The following CAMK1D variants were observed in gnomAD, a reference collection of about 807,000 sequenced individuals.
CAMK1D encodes calcium/calmodulin dependent protein kinase ID, also known as calcium/calmodulin-dependent protein kinase type 1D.
In CAMK1D, 9 loss-of-function variants were observed where a neutral mutation model predicts 47.7. That is an observed-to-expected ratio of 0.19 (90% CI 0.11 to 0.33). The LOEUF is 0.33. Ranked by LOEUF, CAMK1D falls within the 10% of genes least tolerant of loss-of-function variation. The probability of loss-of-function intolerance (pLI) is 1.00; values close to 1 mark genes in which losing one functional copy is unlikely to be tolerated. For synonymous variants in CAMK1D, 184 were observed against 184.9 expected, an observed-to-expected ratio of 0.99 and a Z score of 0.04; for missense variants, 291 against 488.7, an observed-to-expected ratio of 0.60 and a Z score of 3.81.
At chr10:12,589,646 T>C (rs1303259139) in intron 2 of CAMK1D, among the ~76,000 whole-genome samples, 1 of 152,200 alleles carries the variant, frequency 6.6e-6, no homozygotes, top group Non-Finnish European at 1.5e-5. Context: ...CTTCAGAAAC[T>C]GCCTGTCTTA....
At chr10:12,719,966 C>A (rs989598467) in intron 3 of CAMK1D, among the ~76,000 whole-genome samples, 2 of 152,220 alleles carry the variant, frequency 1.3e-5, no homozygotes, top group African/African-American at 2.4e-5. Context: ...GCAAAGGTTG[C>A]TGGGCCCTGC....
chr10:12,801,297 G>GTATCTATCTATCTGTC (rs1838426827), intron 6 of CAMK1D, among the ~76,000 whole-genome samples: 1 of 89,900 alleles, frequency 1.1e-5, no homozygotes. Flanking sequence ...GTCTGTGTGT[G>GTATCTATCTATCTGTC]TATCTATCTA....
chr10:12,766,129 C>T (rs113598133), intron 4 of CAMK1D, among the ~76,000 whole-genome samples: 40,443 of 151,686 alleles, frequency 0.27, 6,158 homozygotes, highest in Non-Finnish European at 0.35. Context: ...CCACGCCCGG[C>T]TAGTTTTGTA....
chr10:12,405,142 G>C (rs1839373324), intron 1 of CAMK1D, among the ~76,000 whole-genome samples: 1 of 152,270 alleles, frequency 6.6e-6, no homozygotes. Flanking sequence ...CTGAGCCATC[G>C]TATTGTGGGT....
chr10:12,402,838 G>A (rs1460889351), intron 1 of CAMK1D, among the ~76,000 whole-genome samples: 11 of 151,926 alleles, frequency 7.2e-5, no homozygotes, highest in Non-Finnish European at 7.4e-5. Flanking sequence ...GGTGATTGGT[G>A]CCTTCTACTG....
At chr10:12,805,661 CG>C (rs1838697416) in intron 6 of CAMK1D, among the ~76,000 whole-genome samples, 2 of 152,266 alleles carry the variant, frequency 1.3e-5, no homozygotes, top group Admixed American at 1.3e-4. Context: ...TGAGCCACCG[CG>C]CCTGGCCAAT....
rs185317488 is a variant in CAMK1D, at chr10:12,606,376, G to A, written c.224+53020G>A. 1.2e-3 allele frequency among the ~76,000 whole-genome samples: 190 copies of A among 152,276 alleles called. 1 individual carries two copies. The highest frequency in any genetic ancestry group is 4.4e-3 in the African/African-American group (181 of 41,552). On this transcript the variant is annotated intron_variant, in intron 2 of 10. Coordinates refer to ENST00000619168, the MANE Select transcript of CAMK1D (RefSeq NM_153498.4). ...CCACTGTCCTGACCTGCCTACTTCC[G>A]CCTAACCCATTTGGCTGAGCTGGTA...
chr10:12,669,429 C>T (rs534165360), intron 3 of CAMK1D, among the ~76,000 whole-genome samples: 15 of 152,140 alleles, frequency 9.9e-5, no homozygotes, highest in South Asian at 8.3e-4. Context: ...AAAAAATTTG[C>T]GCAGTAGTTC....
At chr10:12,590,425 T>A (rs368855590) in intron 2 of CAMK1D, among the ~76,000 whole-genome samples, 12 of 152,248 alleles carry the variant, frequency 7.9e-5, no homozygotes, top group South Asian at 6.2e-4. Flanking sequence ...AAAATCTAGC[T>A]ATGTTGCCCA....
At chr10:12,817,614 C>T (rs774147756) in intron 8 of CAMK1D, among the ~76,000 whole-genome samples, 9 of 152,224 alleles carry the variant, frequency 5.9e-5, no homozygotes, top group South Asian at 2.1e-4. Flanking sequence ...TAAGAAATAC[C>T]GGAGATAATG....
chr10:12,510,163 C>G (rs1834997418), intron 1 of CAMK1D, among the ~76,000 whole-genome samples: 1 of 152,166 alleles, frequency 6.6e-6, no homozygotes, highest in Non-Finnish European at 1.5e-5. Flanking sequence ...GTCTGTAATC[C>G]CAGCACTTTG....
chr10:12,617,794 G>A (rs1261847867), intron 2 of CAMK1D, among the ~76,000 whole-genome samples: 1 of 152,138 alleles, frequency 6.6e-6, no homozygotes, highest in Non-Finnish European at 1.5e-5. Context: ...GAGGTGGGGA[G>A]AAAAAGCATG....
intron 1 of CAMK1D, among the ~76,000 whole-genome samples, chr10:12,547,730 G>A (rs1299452944): frequency 7.4e-6 from 1 of 135,012 alleles, no homozygotes; most frequent in Non-Finnish European, 1.5e-5. Flanking sequence ...CATAGAAAGT[G>A]CTCAAACTGT....
chr10:12,742,130 G>A (rs1284856994), intron 3 of CAMK1D, among the ~76,000 whole-genome samples: 1 of 152,136 alleles, frequency 6.6e-6, no homozygotes, highest in Non-Finnish European at 1.5e-5. Context: ...GTTTTAACAC[G>A]TTTTTGAGGT....
rs1363531424 is a variant in CAMK1D at position 12,479,002 on chromosome 10, A to G, written c.93-74223A>G. 5.3e-5 allele frequency among the ~76,000 whole-genome samples: 8 copies of G among 152,138 alleles called. No individual in the cohort carries two copies. In the East Asian group the frequency reaches 7.7e-4, roughly 15 times the overall value. On this transcript the variant is annotated intron_variant, in intron 1 of 10. Coordinates refer to ENST00000619168, the MANE Select transcript of CAMK1D (RefSeq NM_153498.4). Reference sequence around the variant, plus strand: ...ACAATAGCCTTATGAGGTGCGCCCAATTAACTCTTTTTTTATGAATGGGGG... The same window carrying G: ...ACAATAGCCTTATGAGGTGCGCCCAGTTAACTCTTTTTTTATGAATGGGGG...
Position 12,588,862 on chromosome 10 carries a change from ATATATG to A in CAMK1D, c.224+35508_224+35513del, listed in dbSNP as rs756212118. On this transcript the variant is annotated intron_variant, in intron 2 of 10. Transcript: ENST00000619168. ...TGCTTGTATATATACATGTATATGT[ATATATG>A]TGTGTGTGTGTGTGTGCGTGCGTGT... is the stretch of plus-strand genomic sequence containing the variant. Among the ~76,000 whole-genome samples, 387 of 81,574 alleles carry A rather than the reference ATATATG, an allele frequency of 4.7e-3. 4 individuals are homozygous for A. In the East Asian group the frequency reaches 0.06, roughly 13 times the overall value. 53.5% of individuals were successfully genotyped at this position (81,574 alleles called of 152,430 possible). A position where few individuals can be genotyped will look rare whatever the true frequency, so the allele number is the denominator to read the frequency against.
chr10:12,714,569 A>C (rs1468579132), intron 3 of CAMK1D, among the ~76,000 whole-genome samples: 1 of 152,068 alleles, frequency 6.6e-6, no homozygotes, highest in East Asian at 1.9e-4. Context: ...AATACAAAAA[A>C]TTAGCTGGGC....
chr10:12,770,459 T>C (rs904335582), intron 5 of CAMK1D, among the ~76,000 whole-genome samples: 5 of 152,214 alleles, frequency 3.3e-5, no homozygotes, highest in African/African-American at 7.2e-5. Flanking sequence ...GAGACCTTCA[T>C]TGACATCAGC....
At chr10:12,462,019 C>A (rs1393832425) in intron 1 of CAMK1D, among the ~76,000 whole-genome samples, 1 of 152,058 alleles carries the variant, frequency 6.6e-6, no homozygotes, top group Non-Finnish European at 1.5e-5. Context: ...CCCCTAACTC[C>A]CTTGCGACTC....
Sources: allele counts gnomAD v4.1 joint callset (sites outside exome capture counted in the v4.1 genomes callset), GRCh38; gene constraint gnomAD v4.1.1; transcripts MANE v1.5; gene names NCBI Gene and HGNC (gene_info 2026-07-23, HGNC 2026-07-21).